CNOT2: variants seen among roughly 807,000 people sequenced by gnomAD.
CNOT2 encodes the protein CCR4-NOT transcription complex subunit 2.
In CNOT2, 7 loss-of-function variants were observed where a neutral mutation model predicts 72.1. The observed-to-expected ratio is 0.10, with a 90% CI of 0.06 to 0.18. The LOEUF is 0.18. Among genes scored for constraint, CNOT2 ranks in the 10% least tolerant of loss-of-function variants. The pLI is 1.00. For missense variants in CNOT2, 345 were observed against 660.3 expected (o/e 0.52, Z 5.23); for synonymous variants, 196 against 225.6 (o/e 0.87, Z 1.17).
At chr12:70,248,572 G>A (rs1957999291) in intron 1 of CNOT2, among the ~76,000 whole-genome samples, 1 of 152,064 alleles carries the variant, frequency 6.6e-6, no homozygotes. Flanking sequence ...CTGAAACTGT[G>A]TTTTGAGAAA....
intron 5 of CNOT2, among the ~76,000 whole-genome samples, chr12:70,329,791 A>G (rs2136022246): frequency 1.3e-5 from 2 of 152,120 alleles, no homozygotes; most frequent in Middle Eastern, 6.8e-3. Flanking sequence ...TGGGGTGGAT[A>G]TCAAGGGTTA....
intron 11 of CNOT2, 139 bp downstream of exon 11, chr12:70,338,961 T>G: frequency 1.4e-6 from 1 of 723,344 alleles, no homozygotes; most frequent in East Asian, 2.7e-5. Context: ...CCATTCATGT[T>G]AGCTCTTAGA....
chr12:70,243,286 G>C (rs962321611), upstream of CNOT2: 1 of 152,616 alleles, frequency 6.6e-6, no homozygotes, highest in African/African-American at 2.4e-5. Context: ...TGTTAGAAGC[G>C]CGCTGAAAGC....
At chr12:70,288,518 A>G (rs535875033) in intron 2 of CNOT2, among the ~76,000 whole-genome samples, 14 of 152,246 alleles carry the variant, frequency 9.2e-5, no homozygotes, top group African/African-American at 2.9e-4. Flanking sequence ...TTAGGGATAT[A>G]AGCTTGTGGC....
At chr12:70,264,317 A>T (rs1958919303) in intron 1 of CNOT2, among the ~76,000 whole-genome samples, 1 of 152,060 alleles carries the variant, frequency 6.6e-6, no homozygotes, top group African/African-American at 2.4e-5. Flanking sequence ...TTACTGCCCA[A>T]ATCTCCATAT....
At chr12:70,291,394 C>T (rs1871875524) in intron 2 of CNOT2, among the ~76,000 whole-genome samples, 1 of 152,186 alleles carries the variant, frequency 6.6e-6, no homozygotes, top group Non-Finnish European at 1.5e-5. Context: ...TGAAATTTTA[C>T]ACCTATTCTT....
chr12:70,352,777 T>C (rs139921641), intron 15 of CNOT2, among the ~76,000 whole-genome samples: 124 of 152,334 alleles, frequency 8.1e-4, no homozygotes, highest in African/African-American at 2.9e-3. Context: ...TATACATAGC[T>C]ATTCTGCATC....
chr12:70,318,686 G>T (rs1877771952), intron 3 of CNOT2, among the ~76,000 whole-genome samples: 1 of 151,754 alleles, frequency 6.6e-6, no homozygotes, highest in Non-Finnish European at 1.5e-5. Flanking sequence ...CCACTAGATT[G>T]TAAGCCCCTT....
At chr12:70,276,821 G>A (rs79001484) in intron 1 of CNOT2, among the ~76,000 whole-genome samples, 14,517 of 151,954 alleles carry the variant, frequency 0.096, 896 homozygotes, top group Middle Eastern at 0.19. Context: ...TTGGCTAAAC[G>A]TACACTGTAA....
intron 2 of CNOT2, among the ~76,000 whole-genome samples, chr12:70,300,736 G>A (rs1565785691): frequency 6.6e-6 from 1 of 152,154 alleles, no homozygotes; most frequent in African/African-American, 2.4e-5. Context: ...CTTTAAAGTA[G>A]TTTTTTCCAA....
At chr12:70,334,075 T>TG (rs1189097649) in intron 7 of CNOT2, among the ~76,000 whole-genome samples, 2 of 151,980 alleles carry the variant, frequency 1.3e-5, no homozygotes, top group African/African-American at 2.4e-5. Context: ...AAATATAGAT[T>TG]GGGGGTTTAT....
chr12:70,255,833 A>G (rs564874720), intron 1 of CNOT2, among the ~76,000 whole-genome samples: 1 of 152,352 alleles, frequency 6.6e-6, no homozygotes, highest in Non-Finnish European at 1.5e-5. Context: ...CAAATAACTC[A>G]TATCTAAAAC....
intron 4 of CNOT2, 47 bp downstream of exon 4, chr12:70,319,411 A>G (rs758699384): frequency 1.9e-6 from 3 of 1,541,356 alleles, no homozygotes; most frequent in South Asian, 2.3e-5. Flanking sequence ...AAAGAGAAAA[A>G]TAAGTAACTA....
intron 4 of CNOT2, among the ~76,000 whole-genome samples, chr12:70,328,500 T>C (rs1470560555): frequency 6.6e-6 from 1 of 151,878 alleles, no homozygotes; most frequent in Admixed American, 6.6e-5. Flanking sequence ...TAGACAGATA[T>C]AACAGTGTAA....
chr12:70,311,522 G>T (rs1444133313), intron 3 of CNOT2, among the ~76,000 whole-genome samples: 2 of 151,924 alleles, frequency 1.3e-5, no homozygotes, highest in Non-Finnish European at 2.9e-5. Context: ...TGGAAGAACT[G>T]TATTCAAAAT....
At chr12:70,308,365 T>C (rs1821321) in intron 2 of CNOT2, among the ~76,000 whole-genome samples, 86,318 of 151,680 alleles carry the variant, frequency 0.57, 25,651 homozygotes, top group East Asian at 0.94. Flanking sequence ...TGGATGGGGG[T>C]TTGCATTCAT....
chr12:70,348,115 T>G (rs555478337), intron 15 of CNOT2: 2 of 152,204 alleles, frequency 1.3e-5, no homozygotes. Context: ...CACACACACA[T>G]GCTGATTACA....
chr12:70,300,599 A>G (rs542954910), intron 2 of CNOT2, among the ~76,000 whole-genome samples: 2 of 152,310 alleles, frequency 1.3e-5, no homozygotes, highest in South Asian at 4.1e-4. Context: ...TGATACCAGT[A>G]CCATGCTGTT....
intron 2 of CNOT2, among the ~76,000 whole-genome samples, chr12:70,293,011 T>C (rs1472297781): frequency 1.3e-5 from 2 of 152,184 alleles, no homozygotes; most frequent in African/African-American, 4.8e-5. Context: ...TTCAATAATA[T>C]CTATTTATGC....
Sources: allele counts gnomAD v4.1 joint callset (sites outside exome capture counted in the v4.1 genomes callset), GRCh38; gene constraint gnomAD v4.1.1; transcripts MANE v1.5; gene names NCBI Gene and HGNC (gene_info 2026-07-23, HGNC 2026-07-21).